The following CAMK2B variants were observed in gnomAD, a reference collection of about 807,000 sequenced individuals.
The protein encoded by CAMK2B is calcium/calmodulin dependent protein kinase II beta.
In CAMK2B, 27 loss-of-function variants were observed where a neutral mutation model predicts 93.7. That is an observed-to-expected ratio of 0.29 (90% CI 0.21 to 0.40). The LOEUF is 0.40. Among genes scored for constraint, CAMK2B ranks in the 10% least tolerant of loss-of-function variants. CAMK2B has a pLI of 1.00. For missense variants in CAMK2B, 568 were observed against 895.8 expected, an observed-to-expected ratio of 0.63 and a Z score of 4.67; for synonymous variants, 374 against 358.8, an observed-to-expected ratio of 1.04 and a Z score of -0.48.
intron 1 of CAMK2B, among the ~76,000 whole-genome samples, chr7:44,295,653 G>A (rs1311506779): frequency 6.6e-6 from 1 of 152,222 alleles, no homozygotes; most frequent in Non-Finnish European, 1.5e-5. Context: ...AGCGAAGACT[G>A]GAGGAAAACT....
chr7:44,259,078 G>A lies in CAMK2B; in HGVS notation c.221-152C>T, dbSNP rs529352123. 2.2e-4 allele frequency: 156 copies of A among 713,390 alleles called. No homozygotes were observed. In the African/African-American group the frequency reaches 2.5e-3, roughly 11 times the overall value. 44.2% of individuals were successfully genotyped at this position (713,390 alleles called of 1,614,324 possible). On this transcript the variant is annotated intron_variant, in intron 3 of 23. Transcript: ENST00000395749. Reference sequence around the variant, plus strand: ...GTAGGGCCCGGGTGGGCAGGCCAGAGGGCAGGGCTGAGCAGAGTGCTTTGG... The same window carrying A: ...GTAGGGCCCGGGTGGGCAGGCCAGAAGGCAGGGCTGAGCAGAGTGCTTTGG...
At chr7:44,306,053 G>C (rs1791405024) in intron 1 of CAMK2B, among the ~76,000 whole-genome samples, 1 of 152,136 alleles carries the variant, frequency 6.6e-6, no homozygotes, top group Non-Finnish European at 1.5e-5. Context: ...AGAGGGAGGG[G>C]GGTTGAGGGT....
intron 2 of CAMK2B, among the ~76,000 whole-genome samples, chr7:44,277,942 A>C (rs926989148): frequency 5.3e-5 from 8 of 152,200 alleles, no homozygotes; most frequent in Non-Finnish European, 7.3e-5. Context: ...AGAGCCAGAC[A>C]CCCAGGCAGA....
At chr7:44,266,187 A>G (rs1344886253) in intron 2 of CAMK2B, among the ~76,000 whole-genome samples, 1 of 152,190 alleles carries the variant, frequency 6.6e-6, no homozygotes. Context: ...AAATCTAAGC[A>G]GATATAATGT....
In CAMK2B at chr7:44,231,001, G is replaced by A. The variant is rs777555763; in HGVS notation, c.1225+5C>T. 16 of 1,553,270 alleles carry A rather than the reference G, an allele frequency of 1.0e-5. 1 individual carries two copies. In the South Asian group the frequency reaches 1.9e-4, roughly 18 times the overall value. The stretch of plus-strand genomic sequence containing the variant: ...CTGGGGGGGCAAGGACTCAAGTGCA[G>A]GTACCTTTAGCGTCTTCATCCTCTA... On this transcript the variant is annotated splice_donor_5th_base_variant and intron_variant, in intron 17 of 23. Coordinates refer to ENST00000395749, the MANE Select transcript of CAMK2B (RefSeq NM_001220.5).
At chr7:44,269,417 CTCTT>C (rs1314360583) in intron 2 of CAMK2B, among the ~76,000 whole-genome samples, 1 of 152,214 alleles carries the variant, frequency 6.6e-6, no homozygotes, top group African/African-American at 2.4e-5. Context: ...CCATAATTTC[CTCTT>C]TCTTTCTCCA....
chr7:44,322,730 G>A (rs541204908), intron 1 of CAMK2B, among the ~76,000 whole-genome samples: 39 of 152,232 alleles, frequency 2.6e-4, no homozygotes, highest in Non-Finnish European at 4.4e-4. Context: ...TGCTGCCCAG[G>A]CCTCTGGGGA....
At chr7:44,279,329 T>C (rs2097082243) in intron 2 of CAMK2B, among the ~76,000 whole-genome samples, 1 of 152,136 alleles carries the variant, frequency 6.6e-6, no homozygotes, top group Admixed American at 6.5e-5. Context: ...CATAAAAAGT[T>C]AAATAGGAAA....
chr7:44,253,666 C>T (rs1422464322), intron 5 of CAMK2B, among the ~76,000 whole-genome samples: 3 of 152,204 alleles, frequency 2.0e-5, no homozygotes, highest in Admixed American at 6.5e-5. Context: ...GGCACAATCT[C>T]GGCTCACTGC....
intron 1 of CAMK2B, 23 bp from the exon 2 acceptor site, chr7:44,284,248 G>C: frequency 6.7e-7 from 1 of 1,492,866 alleles, no homozygotes; most frequent in East Asian, 2.3e-5. Flanking sequence ...ATGGGGGAGC[G>C]AGAGACAGAG....
At chr7:44,234,963 T>C (rs945325796) in intron 13 of CAMK2B, among the ~76,000 whole-genome samples, 1 of 152,222 alleles carries the variant, frequency 6.6e-6, no homozygotes, top group African/African-American at 2.4e-5. Flanking sequence ...GGGAGCCCCC[T>C]TGGCTTCTGG....
At chr7:44,226,299 C>T (rs1435160514) in intron 20 of CAMK2B, among the ~76,000 whole-genome samples, 4 of 152,220 alleles carry the variant, frequency 2.6e-5, no homozygotes, top group Admixed American at 1.3e-4. Context: ...TCTTCCTATA[C>T]ACATATGTCA....
chr7:44,322,346 T>C (rs1366024832), intron 1 of CAMK2B, among the ~76,000 whole-genome samples: 2 of 152,190 alleles, frequency 1.3e-5, no homozygotes, highest in Non-Finnish European at 2.9e-5. Context: ...AAAGCAGTAG[T>C]TGGAAGGAAA....
Position 44,228,479 on chromosome 7 carries a change from G to T in CAMK2B, c.1468+317C>A, listed in dbSNP as rs565752954. On this transcript the variant is annotated intron_variant, in intron 19 of 23. Coordinates refer to ENST00000395749, the MANE Select transcript of CAMK2B (RefSeq NM_001220.5). ...ATCAGCAGAGAGGGCCTAGGGGCATGGGGGGCCTCGGAGGGGCCAGGGCTG... is the reference window on the plus strand; with the variant it reads ...ATCAGCAGAGAGGGCCTAGGGGCATTGGGGGCCTCGGAGGGGCCAGGGCTG... 9.9e-5 allele frequency among the ~76,000 whole-genome samples: 15 copies of T among 152,220 alleles called. No individual in the cohort carries two copies. In the South Asian group the frequency reaches 3.1e-3, roughly 32 times the overall value.
intron 1 of CAMK2B, among the ~76,000 whole-genome samples, chr7:44,304,606 A>G (rs1790951659): frequency 6.6e-6 from 1 of 152,198 alleles, no homozygotes; most frequent in South Asian, 2.1e-4. Flanking sequence ...GGAGGGAGAG[A>G]CAAATAGGTG....
At chr7:44,241,571 T>G in intron 11 of CAMK2B, 129 bp downstream of exon 11, 1 of 718,316 alleles carries the variant, frequency 1.4e-6, no homozygotes, top group Non-Finnish European at 2.4e-6. Context: ...GTCTGGGACT[T>G]GCTAACAGTC....
intron 5 of CAMK2B, among the ~76,000 whole-genome samples, chr7:44,251,538 G>A (rs1385574213): frequency 6.6e-6 from 1 of 152,212 alleles, no homozygotes; most frequent in South Asian, 2.1e-4. Flanking sequence ...CTCTCCAGGA[G>A]GCTCCTTCCC....
rs151226482 is a variant in CAMK2B at position 44,320,879 on chromosome 7, G to A, written c.65+4478C>T. ...AACCATGGCAGGGAGCCGGACCTCC[G>A]CCTCTCTGTGGGTAAGCTGTCCAGC... On this transcript the variant is annotated intron_variant, in intron 1 of 23. Transcript: ENST00000395749. Among the ~76,000 whole-genome samples the A allele has an allele frequency of 3.6e-3, 545 of 152,296 alleles. 3 individuals carry two copies. Among genetic ancestry groups the A allele is most frequent in the African/African-American group, 9.2e-3 (383 of 41,568 alleles).
chr7:44,309,167 G>A (rs1792787337), intron 1 of CAMK2B, among the ~76,000 whole-genome samples: 2 of 152,344 alleles, frequency 1.3e-5, no homozygotes, highest in Non-Finnish European at 2.9e-5. Context: ...CCAGGCCCCA[G>A]AGAGGAGAGA....
Sources: gnomAD v4.1 joint callset for allele counts (sites outside exome capture counted in the v4.1 genomes callset) on GRCh38, gnomAD v4.1.1 for gene constraint, MANE v1.5 for transcripts, NCBI Gene and HGNC (gene_info 2026-07-23, HGNC 2026-07-21) for gene names.